Variants in CSGALNACT1 observed in about 807,000 individuals in gnomAD.
The protein encoded by CSGALNACT1 is beta4GalNAcT-1.
CSGALNACT1 carries 52 observed loss-of-function variants against 51.0 expected under a neutral mutation model. The observed-to-expected ratio is 1.02, with a 90% CI of 0.82 to 1.29. The LOEUF is 1.29. Among genes scored for constraint, CSGALNACT1 ranks in the 50% most tolerant of loss-of-function variants. The probability of loss-of-function intolerance (pLI) is 0.00; values close to 1 mark genes in which losing one functional copy is unlikely to be tolerated. For missense variants in CSGALNACT1, 935 were observed against 679.2 expected (o/e 1.38, Z -4.19); for synonymous variants, 341 against 254.4 (o/e 1.34, Z -3.24).
At chr8:19,687,434 A>G (rs2061039335), upstream of CSGALNACT1, among the ~76,000 whole-genome samples, 1 of 152,250 alleles carries the variant, frequency 6.6e-6, no homozygotes, top group Non-Finnish European at 1.5e-5. Context: ...ATATGTGCAT[A>G]TCACAACAAT....
chr8:19,756,261 T>C (rs1401700481), intron 1 of CSGALNACT1, among the ~76,000 whole-genome samples: 1 of 152,172 alleles, frequency 6.6e-6, no homozygotes, highest in Non-Finnish European at 1.5e-5. Context: ...CTTCATTACC[T>C]TTATTATCTA....
chr8:19,683,595 AAC>A (rs1396032029), upstream of CSGALNACT1, among the ~76,000 whole-genome samples: 2 of 152,176 alleles, frequency 1.3e-5, no homozygotes, highest in African/African-American at 2.4e-5. Context: ...ATTTGCCAAA[AAC>A]ACACAAAAAA....
intron 3 of CSGALNACT1, among the ~76,000 whole-genome samples, chr8:19,522,065 G>A (rs1028606750): frequency 2.0e-5 from 3 of 152,314 alleles, no homozygotes; most frequent in South Asian, 4.1e-4. Flanking sequence ...GTTTCTTGAA[G>A]CCTTTGTCTC....
At chr8:19,673,336 ACT>A (rs1187132204) in intron 1 of CSGALNACT1, among the ~76,000 whole-genome samples, 1 of 152,152 alleles carries the variant, frequency 6.6e-6, no homozygotes, top group Admixed American at 6.5e-5. Context: ...GAAGGTGAAG[ACT>A]CTAGGAACAA....
chr8:19,446,692 T>G (rs905020445), intron 5 of CSGALNACT1, among the ~76,000 whole-genome samples: 2 of 152,116 alleles, frequency 1.3e-5, no homozygotes, highest in African/African-American at 4.8e-5. Flanking sequence ...TTTTGTATTT[T>G]CAGTGGAGAC....
intron 4 of CSGALNACT1, among the ~76,000 whole-genome samples, chr8:19,494,656 T>G (rs1324235340): frequency 6.6e-6 from 1 of 152,182 alleles, no homozygotes; most frequent in Non-Finnish European, 1.5e-5. Context: ...CATCTATTCC[T>G]ACACTTAACA....
chr8:19,596,895 T>C (rs2154139089), intron 2 of CSGALNACT1, among the ~76,000 whole-genome samples: 1 of 152,368 alleles, frequency 6.6e-6, no homozygotes, highest in South Asian at 2.1e-4. Flanking sequence ...TTAAATACAG[T>C]CACAGTTTTC....
chr8:19,638,361 A>T (rs2056355969), intron 1 of CSGALNACT1, among the ~76,000 whole-genome samples: 1 of 152,130 alleles, frequency 6.6e-6, no homozygotes, highest in East Asian at 1.9e-4. Flanking sequence ...CACTGCCCCA[A>T]GTGGCGATCA....
In CSGALNACT1 at chr8:19,672,855, G is replaced by T. The variant is rs991503795; in HGVS notation, c.-544+9618C>A. Among the ~76,000 whole-genome samples, 31 of 152,114 alleles carry T rather than the reference G, an allele frequency of 2.0e-4. 1 individual carries two copies. Among genetic ancestry groups the T allele is most frequent in the Non-Finnish European group, 8.8e-5 (6 of 68,024 alleles). On this transcript the variant is annotated intron_variant, in intron 1 of 9. Coordinates refer to the CSGALNACT1 transcript ENST00000332246. ...TCAAAAAATAAAAATAAAAAAACAG[G>T]CTACATCAGTTATTCATCACTTGAA... is the stretch of plus-strand genomic sequence containing the variant.
intron 1 of CSGALNACT1, among the ~76,000 whole-genome samples, chr8:19,749,807 A>G (rs1342507034): frequency 6.6e-6 from 1 of 152,206 alleles, no homozygotes; most frequent in Admixed American, 6.5e-5. Flanking sequence ...GAGCTCCAGT[A>G]GTTATTGCCA....
intron 1 of CSGALNACT1, among the ~76,000 whole-genome samples, chr8:19,636,108 C>A (rs775180270): frequency 1.3e-5 from 2 of 152,144 alleles, no homozygotes; most frequent in Non-Finnish European, 2.9e-5. Flanking sequence ...CGCTTATCAG[C>A]GGTTCACTTT....
chr8:19,493,520 G>GT (rs2074826994), intron 4 of CSGALNACT1, among the ~76,000 whole-genome samples: 1 of 152,118 alleles, frequency 6.6e-6, no homozygotes, highest in African/African-American at 2.4e-5. Context: ...AGAACCCTAG[G>GT]CAAACACTCG....
intron 6 of CSGALNACT1, among the ~76,000 whole-genome samples, chr8:19,428,689 A>G (rs1055351132): frequency 1.3e-5 from 2 of 152,144 alleles, no homozygotes; most frequent in Non-Finnish European, 2.9e-5. Flanking sequence ...TGCTTCTTTT[A>G]TGTCTTAAAT....
intron 1 of CSGALNACT1, among the ~76,000 whole-genome samples, chr8:19,726,382 A>G (rs1284832451): frequency 6.6e-6 from 1 of 152,118 alleles, no homozygotes; most frequent in African/African-American, 2.4e-5. Context: ...TTATACAACT[A>G]CTGTTGTGAA....
chr8:19,740,656 C>T (rs372799211), intron 1 of CSGALNACT1, among the ~76,000 whole-genome samples: 2 of 152,162 alleles, frequency 1.3e-5, no homozygotes, highest in East Asian at 3.9e-4. Flanking sequence ...ATTCAACAGC[C>T]TGTTGAACTG....
At chr8:19,469,047 G>GCTCAACAGTGCCAAC (rs1196376609) in intron 4 of CSGALNACT1, among the ~76,000 whole-genome samples, 5 of 152,130 alleles carry the variant, frequency 3.3e-5, no homozygotes, top group African/African-American at 9.7e-5. Context: ...GTGAGGGCCT[G>GCTCAACAGTGCCAAC]CTCAACAGTG....
intron 1 of CSGALNACT1, among the ~76,000 whole-genome samples, chr8:19,629,590 T>C (rs1018365678): frequency 6.6e-6 from 1 of 152,238 alleles, no homozygotes; most frequent in Admixed American, 6.5e-5. Context: ...TTATATACAT[T>C]GTTAAACTTG....
intron 1 of CSGALNACT1, among the ~76,000 whole-genome samples, chr8:19,638,617 A>G (rs974786704): frequency 6.6e-6 from 1 of 152,230 alleles, no homozygotes; most frequent in Non-Finnish European, 1.5e-5. Flanking sequence ...ATCGAAATGC[A>G]CAAAAGACTA....
At chr8:19,655,876 A>G (rs1469683269) in intron 1 of CSGALNACT1, among the ~76,000 whole-genome samples, 2 of 152,256 alleles carry the variant, frequency 1.3e-5, no homozygotes, top group African/African-American at 2.4e-5. Context: ...CTTAAAAATA[A>G]TAACAAAAGG....
Sources: gnomAD v4.1 joint callset for allele counts (sites outside exome capture counted in the v4.1 genomes callset) on GRCh38, gnomAD v4.1.1 for gene constraint, MANE v1.5 for transcripts, NCBI Gene and HGNC (gene_info 2026-07-23, HGNC 2026-07-21) for gene names.